ERBB4: variants seen among roughly 807,000 people sequenced by gnomAD.
ERBB4 encodes receptor tyrosine-protein kinase erbB-4.
A neutral mutation model predicts 158.0 loss-of-function variants in ERBB4; 42 were observed. The observed-to-expected ratio is 0.27, with a 90% CI of 0.21 to 0.34. The LOEUF is 0.34. Among genes scored for constraint, ERBB4 ranks in the 10% least tolerant of loss-of-function variants. ERBB4 has a pLI of 1.00. For missense variants in ERBB4, 1,333 were observed against 1,624.1 expected, an observed-to-expected ratio of 0.82 and a Z score of 3.08; for synonymous variants, 583 against 558.7, an observed-to-expected ratio of 1.04 and a Z score of -0.61.
At chr2:212,518,614 G>GA (rs1268927860) in intron 1 of ERBB4, among the ~76,000 whole-genome samples, 2 of 151,866 alleles carry the variant, frequency 1.3e-5, no homozygotes, top group Non-Finnish European at 2.9e-5. Flanking sequence ...GCCCCTATTA[G>GA]AAAAAAATGT....
intron 20 of ERBB4, among the ~76,000 whole-genome samples, chr2:211,553,056 C>T (rs1157463179): frequency 2.0e-5 from 3 of 151,762 alleles, no homozygotes; most frequent in African/African-American, 7.3e-5. Context: ...GCAACCTCCA[C>T]CTCCCATGTT....
intron 4 of ERBB4, among the ~76,000 whole-genome samples, chr2:211,773,610 A>ATG: frequency 3.7e-5 from 1 of 27,034 alleles, no homozygotes; most frequent in African/African-American, 3.6e-4. Context: ...ATATATATAT[A>ATG]TATATATATA....
rs1479804786 is a variant in ERBB4, at chr2:212,538,616, C to G, written c.-86G>C. ...CGGGCACGCGGAGGAGATCCCCCAG[C>G]CGGGCGCGCGTGGGGGTGCGAGGGG... is the stretch of plus-strand genomic sequence containing the variant. On this transcript the variant is annotated 5_prime_UTR_variant, in exon 1 of 28. Coordinates refer to ENST00000342788, the MANE Select transcript of ERBB4 (RefSeq NM_005235.3). 2 of 1,412,600 alleles carry G rather than the reference C, an allele frequency of 1.4e-6. No homozygotes were observed. The highest frequency in any genetic ancestry group is 2.8e-5 in the African/African-American group (2 of 70,758). 87.5% of individuals were successfully genotyped at this position (1,412,600 alleles called of 1,614,324 possible). A position where few individuals can be genotyped will look rare whatever the true frequency, so the allele number is the denominator to read the frequency against.
intron 3 of ERBB4, among the ~76,000 whole-genome samples, chr2:211,921,349 A>G (rs1007284216): frequency 6.6e-6 from 1 of 152,072 alleles, no homozygotes; most frequent in African/African-American, 2.4e-5. Context: ...GAGATGTACC[A>G]GCTATCTGAA....
At chr2:211,558,083 C>T (rs971515292) in intron 20 of ERBB4, among the ~76,000 whole-genome samples, 7 of 152,052 alleles carry the variant, frequency 4.6e-5, no homozygotes, top group East Asian at 1.9e-4. Flanking sequence ...CATGGATACA[C>T]GGAAACACAC....
chr2:211,651,980 T>A (rs1459140804), intron 16 of ERBB4, among the ~76,000 whole-genome samples: 2 of 152,214 alleles, frequency 1.3e-5, no homozygotes, highest in Non-Finnish European at 2.9e-5. Flanking sequence ...TCAAGTTCTA[T>A]TTTATTATAC....
intron 2 of ERBB4, among the ~76,000 whole-genome samples, chr2:211,990,559 G>T (rs1419475654): frequency 7.0e-6 from 1 of 142,008 alleles, no homozygotes; most frequent in Non-Finnish European, 1.6e-5. Context: ...AATAAATAAG[G>T]ACCATTCAGG....
intron 3 of ERBB4, among the ~76,000 whole-genome samples, chr2:211,868,528 A>G (rs2078264644): frequency 6.6e-6 from 1 of 152,192 alleles, no homozygotes; most frequent in South Asian, 2.1e-4. Flanking sequence ...GTAAAGTATG[A>G]TAATTGTGAA....
At chr2:211,698,102 A>C (rs1559430093) in intron 12 of ERBB4, among the ~76,000 whole-genome samples, 1 of 152,096 alleles carries the variant, frequency 6.6e-6, no homozygotes, top group African/African-American at 2.4e-5. Flanking sequence ...GGATCACCTG[A>C]GATCAGGAGT....
In ERBB4 at chr2:212,218,203, G is replaced by C. The variant is rs2083165031; in HGVS notation, c.83-93300C>G. Among the ~76,000 whole-genome samples the C allele has an allele frequency of 2.0e-5, 3 of 151,340 alleles. No homozygotes were observed. The South Asian group carries it at 6.2e-4, about 31-fold the overall frequency. Reference sequence around the variant, plus strand: ...TGCACATAATTACAGGATCAGCTTTGGGTTTCAATTGGTAAGAATTTCAGT... The same window carrying C: ...TGCACATAATTACAGGATCAGCTTTCGGTTTCAATTGGTAAGAATTTCAGT... On this transcript the variant is annotated intron_variant, in intron 1 of 27. Coordinates refer to ENST00000342788, the MANE Select transcript of ERBB4 (RefSeq NM_005235.3).
chr2:212,339,032 G>C (rs1210501681), intron 1 of ERBB4, among the ~76,000 whole-genome samples: 1 of 151,934 alleles, frequency 6.6e-6, no homozygotes, highest in Non-Finnish European at 1.5e-5. Flanking sequence ...TAAGTTCCGG[G>C]GTACATGTGC....
chr2:212,228,609 C>G (rs2083556491), intron 1 of ERBB4, among the ~76,000 whole-genome samples: 1 of 152,120 alleles, frequency 6.6e-6, no homozygotes, highest in African/African-American at 2.4e-5. Flanking sequence ...AGACTATTTT[C>G]ATCCTGCAGA....
intron 12 of ERBB4, among the ~76,000 whole-genome samples, chr2:211,683,538 T>A (rs992259224): frequency 6.6e-6 from 1 of 152,216 alleles, no homozygotes; most frequent in Non-Finnish European, 1.5e-5. Flanking sequence ...TTGACCATAG[T>A]ATTTCATAGT....
intron 3 of ERBB4, 110 bp from the exon 4 acceptor site, chr2:211,788,269 T>C: frequency 1.3e-6 from 1 of 766,970 alleles, no homozygotes; most frequent in South Asian, 1.5e-5. Context: ...ATTAGAGTCA[T>C]GTTGCTAATA....
intron 20 of ERBB4, among the ~76,000 whole-genome samples, chr2:211,505,804 C>A (rs930147615): frequency 6.6e-6 from 1 of 151,720 alleles, no homozygotes; most frequent in African/African-American, 2.4e-5. Context: ...ACTAAAAATA[C>A]AAAAAATTAG....
intron 3 of ERBB4, among the ~76,000 whole-genome samples, chr2:211,921,751 A>G (rs2079863636): frequency 6.6e-6 from 1 of 152,102 alleles, no homozygotes; most frequent in South Asian, 2.1e-4. Flanking sequence ...TGAACTGACA[A>G]GTAAATGATG....
intron 2 of ERBB4, among the ~76,000 whole-genome samples, chr2:212,088,893 C>T (rs1262728576): frequency 6.6e-6 from 1 of 152,090 alleles, no homozygotes; most frequent in South Asian, 2.1e-4. Flanking sequence ...ACTCAGTTTA[C>T]AGCAGTAACC....
At chr2:211,715,225 C>A (rs772488526) in intron 7 of ERBB4, among the ~76,000 whole-genome samples, 8 of 152,178 alleles carry the variant, frequency 5.3e-5, no homozygotes, top group Non-Finnish European at 1.0e-4. Context: ...GAAAGGGAAT[C>A]TGGTGCAAAG....
At chr2:212,407,649 A>G (rs1179628357) in intron 1 of ERBB4, among the ~76,000 whole-genome samples, 1 of 152,132 alleles carries the variant, frequency 6.6e-6, no homozygotes, top group Non-Finnish European at 1.5e-5. Flanking sequence ...GTATATATGC[A>G]TTTACTTGGG....
Sources: gnomAD v4.1 joint callset for allele counts (sites outside exome capture counted in the v4.1 genomes callset) on GRCh38, gnomAD v4.1.1 for gene constraint, MANE v1.5 for transcripts, NCBI Gene and HGNC (gene_info 2026-07-23, HGNC 2026-07-21) for gene names.